PLCL1: variants seen among roughly 807,000 people sequenced by gnomAD.
PLCL1 encodes inactive phospholipase C-like protein 1.
Under a neutral mutation model 84.4 loss-of-function variants are expected in PLCL1, and 41 were observed. That is an observed-to-expected ratio of 0.49 (90% CI 0.38 to 0.63). The LOEUF (loss-of-function observed/expected upper bound fraction) is 0.63, where lower values mean the gene tolerates loss of function less well. PLCL1 is among the 30% of genes least tolerant of loss of function. The pLI, the probability that PLCL1 is intolerant of heterozygous loss-of-function variation, is 0.00. For missense variants in PLCL1, 1,206 were observed against 1,367.8 expected (o/e 0.88, Z 1.87); for synonymous variants, 490 against 488.3 (o/e 1.00, Z -0.05).
chr2:197,855,251 G>A lies in PLCL1; in HGVS notation c.240+49912G>A, dbSNP rs190941100. 1.8e-3 allele frequency among the ~76,000 whole-genome samples: 276 copies of A among 152,284 alleles called. 1 individual carries two copies. Among genetic ancestry groups the A allele is most frequent in the Middle Eastern group, 6.8e-3 (2 of 294 alleles). ...AGCTTACATGCTTGCCCATTCTACT[G>A]TAAGTAAATCCCACTCTTCATTTTA... On this transcript the variant is annotated intron_variant, in intron 1 of 5. Coordinates refer to ENST00000428675, the MANE Select transcript of PLCL1 (RefSeq NM_006226.4).
At chr2:198,094,532 A>G (rs1050048786) in intron 3 of PLCL1, among the ~76,000 whole-genome samples, 1 of 152,204 alleles carries the variant, frequency 6.6e-6, no homozygotes, top group Non-Finnish European at 1.5e-5. Flanking sequence ...TCTTACTTAA[A>G]GTATACGTTT....
At chr2:198,034,546 TA>T (rs917904068) in intron 1 of PLCL1, among the ~76,000 whole-genome samples, 4 of 152,318 alleles carry the variant, frequency 2.6e-5, no homozygotes, top group South Asian at 2.1e-4. Context: ...TATGCAGCCA[TA>T]AAAAAAGTTT....
chr2:197,886,299 T>G (rs1325461681), intron 1 of PLCL1, among the ~76,000 whole-genome samples: 3 of 150,944 alleles, frequency 2.0e-5, no homozygotes, highest in Admixed American at 6.6e-5. Flanking sequence ...GTAGTCCCAG[T>G]TACTCAGGAG....
At chr2:197,817,652 C>A (rs1222885278) in intron 1 of PLCL1, among the ~76,000 whole-genome samples, 1 of 152,000 alleles carries the variant, frequency 6.6e-6, no homozygotes, top group Non-Finnish European at 1.5e-5. Flanking sequence ...ACATCGTCAT[C>A]AAAGTAAGAA....
At chr2:198,069,233 G>A (rs933596972) in intron 1 of PLCL1, among the ~76,000 whole-genome samples, 1 of 149,458 alleles carries the variant, frequency 6.7e-6, no homozygotes, top group Non-Finnish European at 1.5e-5. Flanking sequence ...GCTCATGCCT[G>A]TAATCCCAGC....
intron 1 of PLCL1, among the ~76,000 whole-genome samples, chr2:198,018,552 C>T (rs1005919208): frequency 7.9e-5 from 12 of 152,158 alleles, no homozygotes; most frequent in South Asian, 2.1e-4. Context: ...GGGGGAGGGA[C>T]GTCTACCATT....
chr2:197,981,663 C>T (rs1289245521), intron 1 of PLCL1, among the ~76,000 whole-genome samples: 1 of 152,152 alleles, frequency 6.6e-6, no homozygotes, highest in East Asian at 1.9e-4. Flanking sequence ...GGAAGTTCAT[C>T]AAGGGCCCGA....
chr2:197,845,538 A>G (rs1338717478), intron 1 of PLCL1, among the ~76,000 whole-genome samples: 2 of 152,172 alleles, frequency 1.3e-5, no homozygotes, highest in Admixed American at 6.5e-5. Context: ...GGACGTGGTC[A>G]GCCTTTTCTT....
chr2:198,012,527 C>T (rs1488253971), intron 1 of PLCL1, among the ~76,000 whole-genome samples: 2 of 151,892 alleles, frequency 1.3e-5, no homozygotes, highest in Admixed American at 1.3e-4. Flanking sequence ...CAATATGTGT[C>T]TTTTAATTGG....
intron 5 of PLCL1, among the ~76,000 whole-genome samples, chr2:198,139,009 A>G (rs1429976116): frequency 6.6e-6 from 1 of 152,056 alleles, no homozygotes; most frequent in Non-Finnish European, 1.5e-5. Flanking sequence ...TACAAAATCA[A>G]CTGGGTCTGG....
intron 1 of PLCL1, among the ~76,000 whole-genome samples, chr2:197,927,027 G>T (rs1419863152): frequency 1.3e-5 from 2 of 152,204 alleles, no homozygotes; most frequent in Non-Finnish European, 2.9e-5. Flanking sequence ...GTCATCACAT[G>T]TGGCAGCTAA....
At chr2:197,953,613 T>C (rs1470630619) in intron 1 of PLCL1, among the ~76,000 whole-genome samples, 5 of 152,034 alleles carry the variant, frequency 3.3e-5, no homozygotes, top group Non-Finnish European at 5.9e-5. Context: ...TAGAGGCATA[T>C]TGGAGTTCAG....
chr2:198,132,200 A>G lies in PLCL1; in HGVS notation c.3106-14580A>G, dbSNP rs557522185. ...CTAATTGCTGTCATTACTGCCTGGC[A>G]TCAGGACATCTCATAGGTCACTGGT... On this transcript the variant is annotated intron_variant, in intron 5 of 5. Transcript: ENST00000428675. Among the ~76,000 whole-genome samples the G allele has an allele frequency of 5.3e-5, 8 of 152,310 alleles. No homozygotes were observed. The South Asian group carries it at 8.3e-4, about 16-fold the overall frequency.
At chr2:197,974,472 T>C (rs1689928388) in intron 1 of PLCL1, among the ~76,000 whole-genome samples, 1 of 152,234 alleles carries the variant, frequency 6.6e-6, no homozygotes, top group South Asian at 2.1e-4. Context: ...TTAGAGTCTT[T>C]GTAGCAGTTG....
intron 5 of PLCL1, among the ~76,000 whole-genome samples, chr2:198,125,122 G>T (rs188915377): frequency 6.6e-6 from 1 of 152,226 alleles, no homozygotes; most frequent in Admixed American, 6.5e-5. Flanking sequence ...AGTCAAGAAA[G>T]AGGGCCCTTA....
intron 1 of PLCL1, among the ~76,000 whole-genome samples, chr2:198,049,364 T>C (rs1420715881): frequency 1.3e-5 from 2 of 152,168 alleles, no homozygotes; most frequent in East Asian, 1.9e-4. Flanking sequence ...AGATAGGAAA[T>C]AAATAAAATT....
chr2:197,902,195 T>C (rs1416417607), intron 1 of PLCL1, among the ~76,000 whole-genome samples: 2 of 152,162 alleles, frequency 1.3e-5, no homozygotes, highest in African/African-American at 4.8e-5. Context: ...TTTGTGGGCC[T>C]GATACGCAGC....
intron 1 of PLCL1, among the ~76,000 whole-genome samples, chr2:197,861,192 A>G (rs1449544134): frequency 6.6e-6 from 1 of 152,206 alleles, no homozygotes; most frequent in Non-Finnish European, 1.5e-5. Flanking sequence ...TTTAAGCCCT[A>G]TTCCCCAACC....
chr2:197,862,135 T>G (rs907121519), intron 1 of PLCL1, among the ~76,000 whole-genome samples: 4 of 152,078 alleles, frequency 2.6e-5, no homozygotes, highest in African/African-American at 9.7e-5. Context: ...ATTTTAATAA[T>G]TTAGATAGCA....
Sources: allele counts gnomAD v4.1 joint callset (sites outside exome capture counted in the v4.1 genomes callset), GRCh38; gene constraint gnomAD v4.1.1; transcripts MANE v1.5; gene names NCBI Gene and HGNC (gene_info 2026-07-23, HGNC 2026-07-21).